The following VWC2L variants were observed in gnomAD, a reference collection of about 807,000 sequenced individuals.
VWC2L encodes the protein von Willebrand factor C domain containing 2 like.
A neutral mutation model predicts 21.6 loss-of-function variants in VWC2L; 10 were observed. The ratio of observed to expected loss-of-function variants is 0.46; its 90% CI spans 0.29 to 0.78. The LOEUF is 0.78. VWC2L is among the 30% of genes least tolerant of loss of function. The pLI is 0.10. For missense variants in VWC2L, 209 were observed against 277.1 expected (o/e 0.75, Z 1.74); for synonymous variants, 96 against 94.3 (o/e 1.02, Z -0.10).
chr2:214,500,351 A>G (rs1333280331), intron 3 of VWC2L, among the ~76,000 whole-genome samples: 2 of 152,244 alleles, frequency 1.3e-5, no homozygotes, highest in African/African-American at 4.8e-5. Flanking sequence ...GTCAGGGAGC[A>G]AATATCAGAG....
At chr2:214,550,102 A>G (rs746702664) in intron 3 of VWC2L, among the ~76,000 whole-genome samples, 3 of 152,230 alleles carry the variant, frequency 2.0e-5, no homozygotes, top group Non-Finnish European at 4.4e-5. Flanking sequence ...TGAAACCCGC[A>G]TGTGAAATGC....
intron 3 of VWC2L, among the ~76,000 whole-genome samples, chr2:214,491,299 G>A (rs1318552803): frequency 1.3e-5 from 2 of 152,200 alleles, no homozygotes; most frequent in Admixed American, 6.5e-5. Flanking sequence ...GACACAACAA[G>A]TTGGGAGAAA....
At chr2:214,543,496 T>C (rs1689659307) in intron 3 of VWC2L, among the ~76,000 whole-genome samples, 1 of 151,852 alleles carries the variant, frequency 6.6e-6, no homozygotes. Context: ...ATAAACAGAG[T>C]TTTTTTGAAG....
At chr2:214,544,676 C>A (rs12329318) in intron 3 of VWC2L, among the ~76,000 whole-genome samples, 92 of 151,992 alleles carry the variant, frequency 6.1e-4, no homozygotes, top group South Asian at 1.5e-3. Flanking sequence ...TCTCTTCCCC[C>A]CTCTGAGTTC....
rs185383392 is a variant in VWC2L at position 214,425,798 on chromosome 2, C to T, written c.391-10831C>T. Among the ~76,000 whole-genome samples the T allele has an allele frequency of 3.8e-4, 58 of 152,160 alleles. No homozygotes were observed. In the East Asian group the frequency reaches 9.8e-3, roughly 26 times the overall value. On this transcript the variant is annotated intron_variant, in intron 2 of 3. Coordinates refer to ENST00000312504, the MANE Select transcript of VWC2L (RefSeq NM_001080500.4). ...AGACAGAAATCTGACCCTCAAGGTG[C>T]GCCTAGTCTATCTAAAGGAATAATA... is the stretch of plus-strand genomic sequence containing the variant.
At chr2:214,443,539 C>A (rs932811594) in intron 3 of VWC2L, among the ~76,000 whole-genome samples, 6 of 152,064 alleles carry the variant, frequency 3.9e-5, no homozygotes, top group African/African-American at 1.4e-4. Context: ...ATATTAGGAA[C>A]CCCGTTAGTA....
chr2:214,521,904 T>A (rs1689246791), intron 3 of VWC2L, among the ~76,000 whole-genome samples: 1 of 152,238 alleles, frequency 6.6e-6, no homozygotes, highest in African/African-American at 2.4e-5. Flanking sequence ...TTGTCCTTCC[T>A]GCATTAATGA....
At chr2:214,423,556 G>A (rs1702474660) in intron 2 of VWC2L, among the ~76,000 whole-genome samples, 1 of 151,948 alleles carries the variant, frequency 6.6e-6, no homozygotes, top group South Asian at 2.1e-4. Context: ...TCAGCCAATT[G>A]TCTATAGAAA....
intron 3 of VWC2L, among the ~76,000 whole-genome samples, chr2:214,464,290 T>C (rs188248463): frequency 6.6e-6 from 1 of 152,264 alleles, no homozygotes; most frequent in Admixed American, 6.5e-5. Context: ...GTACCTGTCC[T>C]CTTTGGGAAG....
chr2:214,531,128 G>T (rs1015475591), intron 3 of VWC2L, among the ~76,000 whole-genome samples: 2 of 152,124 alleles, frequency 1.3e-5, no homozygotes, highest in Non-Finnish European at 2.9e-5. Context: ...AAAGGAAAGT[G>T]GCTATTCCCC....
intron 2 of VWC2L, among the ~76,000 whole-genome samples, chr2:214,435,275 A>G (rs1305697647): frequency 1.3e-5 from 2 of 152,178 alleles, no homozygotes; most frequent in Non-Finnish European, 2.9e-5. Flanking sequence ...ATTTCTCTGA[A>G]ATGTTTAAAC....
chr2:214,498,819 T>C (rs1688849299), intron 3 of VWC2L, among the ~76,000 whole-genome samples: 1 of 150,806 alleles, frequency 6.6e-6, no homozygotes, highest in South Asian at 2.1e-4. Flanking sequence ...CTGGATTGTG[T>C]ATATATGTGC....
At chr2:214,438,512 A>C (rs1400678918) in intron 3 of VWC2L, among the ~76,000 whole-genome samples, 1 of 151,948 alleles carries the variant, frequency 6.6e-6, no homozygotes, top group East Asian at 1.9e-4. Flanking sequence ...AATTATGGTT[A>C]TAGTTAAAAT....
chr2:214,443,531 A>G (rs1702793335), intron 3 of VWC2L, among the ~76,000 whole-genome samples: 1 of 152,192 alleles, frequency 6.6e-6, no homozygotes, highest in Non-Finnish European at 1.5e-5. Context: ...ATAGTTCAAT[A>G]TTAGGAACCC....
At chr2:214,559,227 A>C (rs1352085141) in intron 3 of VWC2L, among the ~76,000 whole-genome samples, 2 of 152,162 alleles carry the variant, frequency 1.3e-5, no homozygotes, top group Non-Finnish European at 2.9e-5. Context: ...GCCAAAAAAC[A>C]CATGAAAAAA....
chr2:214,443,748 C>T (rs534261598), intron 3 of VWC2L, among the ~76,000 whole-genome samples: 22 of 152,172 alleles, frequency 1.4e-4, no homozygotes, highest in Non-Finnish European at 2.6e-4. Flanking sequence ...TAAAGAAATT[C>T]CCGATAAAGT....
At chr2:214,474,963 T>A (rs900915483) in intron 3 of VWC2L, among the ~76,000 whole-genome samples, 1 of 152,150 alleles carries the variant, frequency 6.6e-6, no homozygotes, top group East Asian at 1.9e-4. Context: ...TGGTTCCTTG[T>A]GGAAATGAAG....
intron 3 of VWC2L, among the ~76,000 whole-genome samples, chr2:214,469,989 A>G (rs1703279972): frequency 6.6e-6 from 1 of 152,220 alleles, no homozygotes; most frequent in South Asian, 2.1e-4. Flanking sequence ...AAGAGAAGAA[A>G]TTTTGATACC....
At chr2:214,542,057 T>C (rs9653344) in intron 3 of VWC2L, among the ~76,000 whole-genome samples, 1 of 151,972 alleles carries the variant, frequency 6.6e-6, no homozygotes, top group Non-Finnish European at 1.5e-5. Flanking sequence ...CAGCATTGGC[T>C]CCCTGAGTGA....
Sources: allele counts gnomAD v4.1 joint callset (sites outside exome capture counted in the v4.1 genomes callset), GRCh38; gene constraint gnomAD v4.1.1; transcripts MANE v1.5; gene names NCBI Gene and HGNC (gene_info 2026-07-23, HGNC 2026-07-21).